SHISAL1: variants seen among roughly 807,000 people sequenced by gnomAD.
The protein encoded by SHISAL1 is shisa like 1.
SHISAL1 carries 9 observed loss-of-function variants against 22.6 expected under a neutral mutation model. The ratio of observed to expected loss-of-function variants is 0.40; its 90% CI spans 0.24 to 0.70. The LOEUF is 0.70. Ranked by LOEUF, SHISAL1 falls within the 30% of genes least tolerant of loss-of-function variation. SHISAL1 has a pLI of 0.39. For synonymous variants in SHISAL1, 119 were observed against 115.4 expected (o/e 1.03, Z -0.20); for missense variants, 246 against 270.6 (o/e 0.91, Z 0.64).
intron 2 of SHISAL1, 106 bp downstream of exon 2, chr22:44,300,773 C>T: frequency 2.1e-6 from 2 of 932,596 alleles, no homozygotes; most frequent in Admixed American, 3.8e-5. Context: ...GGACAAAAGG[C>T]AAGCCTCTGT....
At chr22:44,268,214 A>C (rs947166661) in intron 4 of SHISAL1, among the ~76,000 whole-genome samples, 2 of 152,214 alleles carry the variant, frequency 1.3e-5, no homozygotes, top group African/African-American at 4.8e-5. Context: ...AGGAGGCATT[A>C]GACATTAAAT....
At chr22:44,294,201 C>T (rs1286780124) in intron 3 of SHISAL1, among the ~76,000 whole-genome samples, 1 of 152,204 alleles carries the variant, frequency 6.6e-6, no homozygotes, top group East Asian at 1.9e-4. Flanking sequence ...ATATGATGGA[C>T]AGGGCTTGCT....
At chr22:44,302,605 C>T (rs1027562287) in intron 1 of SHISAL1, among the ~76,000 whole-genome samples, 4 of 151,910 alleles carry the variant, frequency 2.6e-5, no homozygotes, top group South Asian at 2.1e-4. Flanking sequence ...GTGCTGCACA[C>T]GGAGGGATAG....
intron 4 of SHISAL1, among the ~76,000 whole-genome samples, chr22:44,262,643 G>T (rs573970917): frequency 8.5e-5 from 13 of 152,338 alleles, no homozygotes; most frequent in African/African-American, 3.1e-4. Flanking sequence ...GCTGCTGACC[G>T]CAGGGCCACA....
intron 4 of SHISAL1, among the ~76,000 whole-genome samples, chr22:44,268,842 G>A (rs1368422275): frequency 6.6e-6 from 1 of 152,108 alleles, no homozygotes; most frequent in African/African-American, 2.4e-5. Context: ...TCCTGGCCTG[G>A]GGCCCAGCCT....
At chr22:44,264,604 T>C (rs1393282891) in intron 4 of SHISAL1, among the ~76,000 whole-genome samples, 1 of 152,196 alleles carries the variant, frequency 6.6e-6, no homozygotes, top group East Asian at 1.9e-4. Context: ...ACCTCGGGCA[T>C]GGCATGGGAG....
chr22:44,298,101 G>C (rs1046936395), intron 2 of SHISAL1, among the ~76,000 whole-genome samples: 5 of 152,218 alleles, frequency 3.3e-5, no homozygotes, highest in African/African-American at 4.8e-5. Context: ...CTCTTCTGTG[G>C]GGATGGGCAT....
chr22:44,286,875 G>A (rs73432508), intron 3 of SHISAL1, among the ~76,000 whole-genome samples: 3,250 of 152,300 alleles, frequency 0.021, 120 homozygotes, highest in African/African-American at 0.074. Context: ...TAATCACTCC[G>A]GCGCCGCCTC....
intron 4 of SHISAL1, among the ~76,000 whole-genome samples, chr22:44,255,551 T>C (rs1164967951): frequency 6.6e-6 from 1 of 152,170 alleles, no homozygotes; most frequent in Non-Finnish European, 1.5e-5. Flanking sequence ...TCAATAAGCC[T>C]TACACTTCCC....
At chr22:44,258,749 G>C (rs2055101408) in intron 4 of SHISAL1, among the ~76,000 whole-genome samples, 1 of 152,164 alleles carries the variant, frequency 6.6e-6, no homozygotes, top group South Asian at 2.1e-4. Context: ...CAAATGCAGA[G>C]GTCTTGCACA....
At chr22:44,264,361 T>C (rs918511122) in intron 4 of SHISAL1, among the ~76,000 whole-genome samples, 1 of 152,178 alleles carries the variant, frequency 6.6e-6, no homozygotes, top group Non-Finnish European at 1.5e-5. Context: ...TGGTTCCTTT[T>C]GGCAGCCTCT....
chr22:44,273,892 A>G (rs1262653843), intron 4 of SHISAL1, among the ~76,000 whole-genome samples: 1 of 152,230 alleles, frequency 6.6e-6, no homozygotes, highest in East Asian at 1.9e-4. Context: ...AACAAATGAA[A>G]GGACAGGTGT....
intron 1 of SHISAL1, among the ~76,000 whole-genome samples, chr22:44,304,044 T>C (rs1317492716): frequency 6.6e-6 from 1 of 152,154 alleles, no homozygotes; most frequent in Non-Finnish European, 1.5e-5. Context: ...TGATGGGCAG[T>C]CCAAAGAAAC....
rs1283991183 is a variant in SHISAL1 at position 44,286,702 on chromosome 22, C to T, written c.282-957G>A. On this transcript the variant is annotated intron_variant, in intron 3 of 4. Coordinates refer to ENST00000381176, the MANE Select transcript of SHISAL1 (RefSeq NM_001099294.2). ...TCCCTCAAACCCAGCCCCTGTCACC[C>T]AGAGCCACATCTGTCTCCCACACCC... 2.0e-5 allele frequency among the ~76,000 whole-genome samples: 3 copies of T among 152,322 alleles called. No individual in the cohort carries two copies. In the East Asian group the frequency reaches 5.8e-4, roughly 29 times the overall value.
At chr22:44,317,252 G>A (rs1016723068), upstream of SHISAL1, among the ~76,000 whole-genome samples, 3 of 152,300 alleles carry the variant, frequency 2.0e-5, no homozygotes, top group East Asian at 1.9e-4. Context: ...ATGGAAGGAC[G>A]TGCCTCTCGA....
At chr22:44,299,052 G>A (rs906835132) in intron 2 of SHISAL1, among the ~76,000 whole-genome samples, 2 of 152,198 alleles carry the variant, frequency 1.3e-5, no homozygotes, top group African/African-American at 2.4e-5. Flanking sequence ...CGGGCTGGGG[G>A]CTCCCAGGAG....
At chr22:44,322,678 C>T in the SHISAL1 span, among the ~76,000 whole-genome samples, 5 of 152,154 alleles carry the variant, frequency 3.3e-5, no homozygotes, top group African/African-American at 7.2e-5. Context: ...AGCCTGAACT[C>T]GGCTCTGTCC....
In SHISAL1 at chr22:44,249,578, G is replaced by C. The variant is rs142181306; in HGVS notation, c.*107C>G. ...CAGCATTTCCTCCTGTGCCACCGCC[G>C]CTACCTCGGCTGTCCCTGGCATCTC... On this transcript the variant is annotated 3_prime_UTR_variant, in exon 5 of 5. Transcript: ENST00000381176. The C allele has an allele frequency of 1.4e-6, 1 of 721,554 alleles. No homozygotes were observed. The highest frequency in any genetic ancestry group is 2.6e-6 in the Non-Finnish European group (1 of 386,096). The allele number at this position is 721,554 out of a possible 1,614,324, so 44.7% of individuals were successfully genotyped here.
chr22:44,260,593 A>G (rs1183752302), intron 4 of SHISAL1, among the ~76,000 whole-genome samples: 1 of 152,190 alleles, frequency 6.6e-6, no homozygotes, highest in African/African-American at 2.4e-5. Flanking sequence ...GGGAATGGTA[A>G]GCTCACTCCT....
Sources: allele counts gnomAD v4.1 joint callset (sites outside exome capture counted in the v4.1 genomes callset), GRCh38; gene constraint gnomAD v4.1.1; transcripts MANE v1.5; gene names NCBI Gene and HGNC (gene_info 2026-07-23, HGNC 2026-07-21).